Variants in PPP2R5C observed in about 807,000 individuals in gnomAD.
PPP2R5C encodes serine/threonine-protein phosphatase 2A 56 kDa regulatory subunit gamma isoform.
A neutral mutation model predicts 68.9 loss-of-function variants in PPP2R5C; 7 were observed. The observed-to-expected ratio is 0.10, with a 90% CI of 0.06 to 0.19. The LOEUF (loss-of-function observed/expected upper bound fraction) is 0.19, where lower values mean the gene tolerates loss of function less well. PPP2R5C is among the 10% of genes least tolerant of loss of function. PPP2R5C has a pLI of 1.00. For missense variants in PPP2R5C, 348 were observed against 641.3 expected (o/e 0.54, Z 4.94); for synonymous variants, 210 against 222.2 (o/e 0.95, Z 0.49).
intron 1 of PPP2R5C, chr14:101,818,954 T>G: frequency 6.9e-7 from 1 of 1,458,394 alleles, no homozygotes; most frequent in Non-Finnish European, 9.4e-7. Context: ...TATGGTATTT[T>G]AACTTATAAC....
intron 10 of PPP2R5C, among the ~76,000 whole-genome samples, chr14:101,907,214 C>T (rs1307405957): frequency 6.6e-6 from 1 of 151,986 alleles, no homozygotes; most frequent in South Asian, 2.1e-4. Flanking sequence ...TATGTCCCCC[C>T]GGCTGGAGTG....
chr14:101,842,293 A>G (rs2041526034), intron 1 of PPP2R5C, among the ~76,000 whole-genome samples: 1 of 152,170 alleles, frequency 6.6e-6, no homozygotes, highest in Non-Finnish European at 1.5e-5. Context: ...GCCCTTTGAG[A>G]AAGCGATCGA....
chr14:101,761,316 C>G (rs2036512089), upstream of PPP2R5C, among the ~76,000 whole-genome samples: 1 of 152,162 alleles, frequency 6.6e-6, no homozygotes, highest in Admixed American at 6.5e-5. Flanking sequence ...CACGCTCTGT[C>G]TTGCGCCTCC....
At chr14:101,836,533 G>T in intron 1 of PPP2R5C, 1 of 569,916 alleles carries the variant, frequency 1.8e-6, no homozygotes, top group Non-Finnish European at 3.1e-6. Context: ...ATATTGTTTA[G>T]ACAAAATAAA....
At chr14:101,903,015 G>GTT (rs72219666) in intron 9 of PPP2R5C, among the ~76,000 whole-genome samples, 21 of 130,696 alleles carry the variant, frequency 1.6e-4, no homozygotes, top group East Asian at 4.3e-4. Flanking sequence ...TATGTTTTGG[G>GTT]TTTTTTTTTT....
chr14:101,855,758 T>C (rs1260667015), intron 1 of PPP2R5C, among the ~76,000 whole-genome samples: 2 of 152,166 alleles, frequency 1.3e-5, no homozygotes, highest in Non-Finnish European at 2.9e-5. Context: ...CAGACAGAAG[T>C]TTTCCAGACT....
chr14:101,794,360 T>C (rs1447446121), intron 3 of PPP2R5C, among the ~76,000 whole-genome samples: 1 of 152,236 alleles, frequency 6.6e-6, no homozygotes, highest in Non-Finnish European at 1.5e-5. Flanking sequence ...GAACTTTGAA[T>C]TGACCCATAG....
At chr14:101,805,720 C>T (rs2039048527), upstream of PPP2R5C, among the ~76,000 whole-genome samples, 1 of 152,142 alleles carries the variant, frequency 6.6e-6, no homozygotes, top group South Asian at 2.1e-4. Flanking sequence ...ATCATTCAGC[C>T]CTTTGAAGGT....
At chr14:101,823,992 G>C in intron 1 of PPP2R5C, 1 of 1,289,158 alleles carries the variant, frequency 7.8e-7, no homozygotes, top group Non-Finnish European at 1.0e-6. Context: ...TAACTTATCT[G>C]AGCCTTACAT....
chr14:101,921,772 G>A (rs1373865656), intron 13 of PPP2R5C, among the ~76,000 whole-genome samples: 1 of 152,144 alleles, frequency 6.6e-6, no homozygotes, highest in Non-Finnish European at 1.5e-5. Flanking sequence ...GGAATAGCTG[G>A]AGAGTGGGAA....
chr14:101,762,515 G>A (rs566449476), intron 1 of PPP2R5C, among the ~76,000 whole-genome samples: 38 of 152,114 alleles, frequency 2.5e-4, no homozygotes, highest in Non-Finnish European at 3.5e-4. Flanking sequence ...ATTCGGGGGG[G>A]CGGGTATGTT....
At chr14:101,905,421 G>A (rs1029148903) in intron 9 of PPP2R5C, among the ~76,000 whole-genome samples, 2 of 152,102 alleles carry the variant, frequency 1.3e-5, no homozygotes, top group Admixed American at 6.5e-5. Flanking sequence ...CACTTTGGAA[G>A]ACCAAGGCAG....
intron 3 of PPP2R5C, among the ~76,000 whole-genome samples, chr14:101,802,762 T>TC (rs1401641408): frequency 6.6e-6 from 1 of 151,714 alleles, no homozygotes; most frequent in East Asian, 1.9e-4. Context: ...TCTAAAGAAC[T>TC]CCTACAACTG....
intron 7 of PPP2R5C, among the ~76,000 whole-genome samples, 197 bp downstream of exon 9, chr14:101,893,305 T>G (rs1488821554): frequency 2.6e-5 from 4 of 152,246 alleles, no homozygotes; most frequent in African/African-American, 4.8e-5. Context: ...GAAAAATCTC[T>G]GTAATACAGA....
rs187414430 is a variant in PPP2R5C, at chr14:101,872,419, G to A, written c.295-9742G>A. Among the ~76,000 whole-genome samples, 7 of 151,590 alleles carry A rather than the reference G, an allele frequency of 4.6e-5. No homozygotes were observed. The East Asian group carries it at 1.2e-3, about 25-fold the overall frequency. ...TGTCCAGCTAATTTTTTTACTTTTT[G>A]TGGAGACAGGGTCTCACTAGGTTGC... is the stretch of plus-strand genomic sequence containing the variant. On this transcript the variant is annotated intron_variant, in intron 2 of 13. Transcript: ENST00000334743.
At chr14:101,853,979 C>T (rs959496988) in intron 1 of PPP2R5C, among the ~76,000 whole-genome samples, 1 of 152,048 alleles carries the variant, frequency 6.6e-6, no homozygotes. Flanking sequence ...TTAAGGTAAT[C>T]CTGGCAAATT....
At chr14:101,894,265 T>G (rs938806454) in intron 7 of PPP2R5C, among the ~76,000 whole-genome samples, 1 of 152,236 alleles carries the variant, frequency 6.6e-6, no homozygotes, top group Non-Finnish European at 1.5e-5. Context: ...CTGGATTGAC[T>G]TAGCGGTGGT....
intron 1 of PPP2R5C, among the ~76,000 whole-genome samples, chr14:101,822,525 A>G (rs1384438400): frequency 6.6e-6 from 1 of 152,190 alleles, no homozygotes; most frequent in Non-Finnish European, 1.5e-5. Context: ...CTTAAACAAC[A>G]TTTAAATTTA....
chr14:101,903,847 T>C (rs920704440), intron 9 of PPP2R5C, among the ~76,000 whole-genome samples: 5 of 151,784 alleles, frequency 3.3e-5, no homozygotes, highest in African/African-American at 1.2e-4. Context: ...AGCTAATTTT[T>C]GTATTTTTAG....
Sources: allele counts gnomAD v4.1 joint callset (sites outside exome capture counted in the v4.1 genomes callset), GRCh38; gene constraint gnomAD v4.1.1; transcripts MANE v1.5; gene names NCBI Gene and HGNC (gene_info 2026-07-23, HGNC 2026-07-21).